Variants in CCDC91 observed in about 807,000 individuals in gnomAD.
CCDC91 encodes the protein coiled-coil domain-containing protein 91.
In CCDC91, 48 loss-of-function variants were observed where a neutral mutation model predicts 63.2. The observed-to-expected ratio is 0.76, with a 90% CI of 0.60 to 0.97. The LOEUF (loss-of-function observed/expected upper bound fraction) is 0.97, where lower values mean the gene tolerates loss of function less well. Ranked by LOEUF, CCDC91 falls within the 50% of genes least tolerant of loss-of-function variation. The pLI, the probability that CCDC91 is intolerant of heterozygous loss-of-function variation, is 0.00. For missense variants in CCDC91, 500 were observed against 494.6 expected, an observed-to-expected ratio of 1.01 and a Z score of -0.10; for synonymous variants, 167 against 165.8, an observed-to-expected ratio of 1.01 and a Z score of -0.06.
At chr12:28,245,658 A>T (rs1163522906) in intron 1 of CCDC91, among the ~76,000 whole-genome samples, 3 of 152,204 alleles carry the variant, frequency 2.0e-5, no homozygotes, top group Non-Finnish European at 4.4e-5. Flanking sequence ...GTCAAAAAAT[A>T]AAGATGTGAA....
At chr12:28,492,756 T>C (rs1952078828) in intron 12 of CCDC91, among the ~76,000 whole-genome samples, 1 of 151,722 alleles carries the variant, frequency 6.6e-6, no homozygotes, top group African/African-American at 2.4e-5. Context: ...TATATTTTAT[T>C]ATATACTTTA....
intron 11 of CCDC91, among the ~76,000 whole-genome samples, chr12:28,470,339 A>G (rs1950753599): frequency 6.6e-6 from 1 of 152,198 alleles, no homozygotes; most frequent in Non-Finnish European, 1.5e-5. Flanking sequence ...AAAGATGTTC[A>G]ACATCATTGA....
At chr12:28,247,828 A>G (rs1347995315) in intron 1 of CCDC91, among the ~76,000 whole-genome samples, 1 of 152,100 alleles carries the variant, frequency 6.6e-6, no homozygotes, top group African/African-American at 2.4e-5. Context: ...TTGGGATGAA[A>G]TTGTTCCACC....
chr12:28,281,647 T>C (rs765592068), intron 3 of CCDC91, among the ~76,000 whole-genome samples: 5 of 152,222 alleles, frequency 3.3e-5, no homozygotes, highest in Non-Finnish European at 7.3e-5. Context: ...TTTCTCTGAA[T>C]CTATTTAAGT....
intron 8 of CCDC91, among the ~76,000 whole-genome samples, chr12:28,425,811 C>T (rs1421394324): frequency 1.3e-5 from 2 of 152,124 alleles, no homozygotes; most frequent in Admixed American, 6.6e-5. Context: ...TTCTGTGGTA[C>T]TTCCCCAGAC....
intron 8 of CCDC91, among the ~76,000 whole-genome samples, chr12:28,420,632 G>C (rs1235580495): frequency 1.3e-5 from 2 of 152,100 alleles, no homozygotes; most frequent in African/African-American, 4.8e-5. Context: ...CAAACCCAGA[G>C]TCTCACCACT....
chr12:28,272,282 G>A (rs1226189277), intron 3 of CCDC91, among the ~76,000 whole-genome samples: 1 of 151,810 alleles, frequency 6.6e-6, no homozygotes, highest in Admixed American at 6.6e-5. Context: ...GATTTAAGAA[G>A]CCCAAAAAGC....
chr12:28,477,499 C>A (rs1382321385), intron 11 of CCDC91, among the ~76,000 whole-genome samples: 1 of 152,120 alleles, frequency 6.6e-6, no homozygotes, highest in African/African-American at 2.4e-5. Flanking sequence ...GACAAACCCA[C>A]AGCCAATATC....
At chr12:28,518,006 T>C (rs12299075) in intron 12 of CCDC91, among the ~76,000 whole-genome samples, 14,624 of 151,980 alleles carry the variant, frequency 0.096, 1,841 homozygotes, top group African/African-American at 0.3. Context: ...ATCGTGTATG[T>C]AGACCACGGT....
chr12:28,201,287 C>G (rs3106457), intron 1 of CCDC91, among the ~76,000 whole-genome samples: 1 of 149,698 alleles, frequency 6.7e-6, no homozygotes, highest in African/African-American at 2.5e-5. Context: ...GGTTGCCAGG[C>G]GGAGGGTCTC....
At chr12:28,343,378 T>C (rs535557173) in intron 6 of CCDC91, among the ~76,000 whole-genome samples, 1 of 151,364 alleles carries the variant, frequency 6.6e-6, no homozygotes, top group Non-Finnish European at 1.5e-5. Flanking sequence ...AATGGGAGAG[T>C]AGAAGGAGGA....
intron 12 of CCDC91, among the ~76,000 whole-genome samples, chr12:28,540,315 C>G (rs886509248): frequency 2.0e-5 from 3 of 151,982 alleles, no homozygotes; most frequent in Non-Finnish European, 4.4e-5. Context: ...TTTCAGGGAA[C>G]CATTTGTATA....
At chr12:28,486,425 A>C (rs1339676808) in intron 12 of CCDC91, among the ~76,000 whole-genome samples, 1 of 152,160 alleles carries the variant, frequency 6.6e-6, no homozygotes, top group Non-Finnish European at 1.5e-5. Flanking sequence ...TCTAGTCTTA[A>C]TAGTATATGG....
At chr12:28,373,866 G>T (rs1167981376) in intron 7 of CCDC91, among the ~76,000 whole-genome samples, 1 of 152,090 alleles carries the variant, frequency 6.6e-6, no homozygotes, top group African/African-American at 2.4e-5. Context: ...AAGATCTAAT[G>T]CTTTTACAAA....
At chr12:28,544,665 T>C (rs563204573) in intron 12 of CCDC91, among the ~76,000 whole-genome samples, 2 of 152,148 alleles carry the variant, frequency 1.3e-5, no homozygotes, top group East Asian at 1.9e-4. Context: ...ATGAATTATA[T>C]CTTTTTGGAT....
chr12:28,275,244 G>C (rs1392463970), intron 3 of CCDC91, among the ~76,000 whole-genome samples: 1 of 152,028 alleles, frequency 6.6e-6, no homozygotes, highest in Non-Finnish European at 1.5e-5. Context: ...AAGAAGAAAA[G>C]AGAGAAGAAT....
In CCDC91 at chr12:28,228,436, A is replaced by G. The variant is rs186314257; in HGVS notation, c.-14-28766A>G. ...AGGACTTAATTTAATTCATTGTATG[A>G]TTCCTAGCACTTAGTATTTTCACTC... is the stretch of plus-strand genomic sequence containing the variant. On this transcript the variant is annotated intron_variant, in intron 1 of 12. Coordinates refer to ENST00000536442, the MANE Select transcript of CCDC91 (RefSeq NM_018318.5). 1.9e-3 allele frequency among the ~76,000 whole-genome samples: 293 copies of G among 152,194 alleles called. 3 individuals are homozygous for G. The highest frequency in any genetic ancestry group is 6.6e-3 in the African/African-American group (275 of 41,570).
intron 12 of CCDC91, among the ~76,000 whole-genome samples, chr12:28,491,861 T>TGTG (rs1952021940): frequency 2.8e-5 from 4 of 145,144 alleles, no homozygotes; most frequent in African/African-American, 1.0e-4. Flanking sequence ...GTCAAAAATT[T>TGTG]TGTGTGTGTG....
chr12:28,348,585 T>C lies in CCDC91; in HGVS notation c.577-13853T>C, dbSNP rs142214377. Among the ~76,000 whole-genome samples, 85 of 152,356 alleles carry C rather than the reference T, an allele frequency of 5.6e-4. No homozygotes were observed. The East Asian group carries it at 0.015, about 26-fold the overall frequency. ...TACATGAACCTTGAATTATTTTTGA[T>C]GTGTTACTGTTTTGTTTTCTCTCTT... On this transcript the variant is annotated intron_variant, in intron 6 of 12. Transcript: ENST00000536442.
Sources: allele counts gnomAD v4.1 joint callset (sites outside exome capture counted in the v4.1 genomes callset), GRCh38; gene constraint gnomAD v4.1.1; transcripts MANE v1.5; gene names NCBI Gene and HGNC (gene_info 2026-07-23, HGNC 2026-07-21).